Variants in CAPS2 observed in about 807,000 individuals in gnomAD.
CAPS2 encodes the protein calcyphosine 2.
Under a neutral mutation model 86.5 loss-of-function variants are expected in CAPS2, and 98 were observed. That is an observed-to-expected ratio of 1.13 (90% CI 0.96 to 1.34). The LOEUF is 1.34. Ranked by LOEUF, CAPS2 falls within the 40% of genes most tolerant of loss-of-function variation. The pLI, the probability that CAPS2 is intolerant of heterozygous loss-of-function variation, is 0.00. For missense variants in CAPS2, 729 were observed against 686.8 expected, an observed-to-expected ratio of 1.06 and a Z score of -0.69; for synonymous variants, 210 against 225.1, an observed-to-expected ratio of 0.93 and a Z score of 0.60.
At chr12:75,290,780 G>A (rs1046852822) in intron 13 of CAPS2, among the ~76,000 whole-genome samples, 5 of 151,722 alleles carry the variant, frequency 3.3e-5, no homozygotes, top group African/African-American at 9.7e-5. Flanking sequence ...GATTTAGCCG[G>A]GTGTGGTGGC....
chr12:75,295,168 G>A (rs2036673498), intron 11 of CAPS2: 1 of 151,930 alleles, frequency 6.6e-6, no homozygotes, highest in African/African-American at 2.4e-5. Flanking sequence ...AACAAACAGA[G>A]GTAAGATGAA....
At chr12:75,341,350 T>A (rs963684394) in intron 1 of CAPS2, among the ~76,000 whole-genome samples, 4 of 152,154 alleles carry the variant, frequency 2.6e-5, no homozygotes, top group Admixed American at 6.5e-5. Context: ...ACATGTAACA[T>A]CCCCATGGCT....
intron 1 of CAPS2, among the ~76,000 whole-genome samples, chr12:75,337,868 C>T (rs1418207197): frequency 5.3e-5 from 8 of 151,726 alleles, no homozygotes; most frequent in East Asian, 3.9e-4. Flanking sequence ...TGAAAGAATC[C>T]GGGGTTAGAG....
intron 1 of CAPS2, chr12:75,365,298 T>A (rs1364172123): frequency 1.3e-5 from 2 of 152,082 alleles, no homozygotes; most frequent in Non-Finnish European, 2.9e-5. Context: ...ATAAATCACA[T>A]TAATAATTTG....
intron 1 of CAPS2, chr12:75,367,008 G>A (rs1016924950): frequency 1.7e-5 from 12 of 701,372 alleles, no homozygotes; most frequent in Admixed American, 8.0e-5. Flanking sequence ...CTTCAGAGCT[G>A]AGGAGGTAAG....
chr12:75,322,959 C>A, intron 4 of CAPS2: 1 of 1,316,324 alleles, frequency 7.6e-7, no homozygotes, highest in Non-Finnish European at 1.1e-6. Context: ...AATTGATAAG[C>A]AAATAAATAC....
rs201453140 is a variant in CAPS2, at chr12:75,322,944, C to A, written c.291+30G>T. 13 of 1,214,746 alleles carry A rather than the reference C, an allele frequency of 1.1e-5. No homozygotes were observed. The Admixed American group carries it at 2.3e-4, about 21-fold the overall frequency. 75.2% of individuals were successfully genotyped at this position (1,214,746 alleles called of 1,614,324 possible). A position where few individuals can be genotyped will look rare whatever the true frequency, so the allele number is the denominator to read the frequency against. ...ATAATAAATATTTTAGAATAAAATT[C>A]TGAAAATTGATAAGCAAATAAATAC... On this transcript the variant is annotated intron_variant, in intron 4 of 16. Transcript: ENST00000393284.
intron 3 of CAPS2, 50 bp downstream of exon 4, chr12:75,323,127 G>T: frequency 6.7e-7 from 1 of 1,487,300 alleles, no homozygotes; most frequent in Non-Finnish European, 9.2e-7. Context: ...TATGCTATGT[G>T]TAATATTGTG....
chr12:75,359,102 G>A (rs1175496470), intron 1 of CAPS2, among the ~76,000 whole-genome samples: 1 of 150,174 alleles, frequency 6.7e-6, no homozygotes, highest in Non-Finnish European at 1.5e-5. Flanking sequence ...AATAAGTTTA[G>A]CAATCTTTTA....
At position 75,298,679 on chromosome 12, in the gene CAPS2, C is replaced by A; in HGVS notation, c.1044+8G>T. 1.2e-6 allele frequency: 2 copies of A among 1,608,026 alleles called. No individual in the cohort carries two copies. The highest frequency in any genetic ancestry group is 1.7e-6 in the Non-Finnish European group (2 of 1,174,508). On this transcript the variant is annotated splice_region_variant and intron_variant, in intron 11 of 16. Coordinates refer to ENST00000393284, the Ensembl canonical transcript of CAPS2. The stretch of plus-strand genomic sequence containing the variant: ...TATTAAATGTGTGCACACACACACA[C>A]CACTTACAACATAAAAATCACCAAG...
chr12:75,285,467 C>G (rs1040263213), intron 14 of CAPS2, among the ~76,000 whole-genome samples: 2 of 151,898 alleles, frequency 1.3e-5, no homozygotes, highest in Middle Eastern at 3.2e-3. Context: ...GACAAGAGCA[C>G]TTAAAATCCT....
chr12:75,369,090 G>A (rs1270934395), intron 1 of CAPS2, among the ~76,000 whole-genome samples: 1 of 151,792 alleles, frequency 6.6e-6, no homozygotes, highest in Non-Finnish European at 1.5e-5. Flanking sequence ...ACGCAATATA[G>A]CATAACAGTT....
upstream of CAPS2, among the ~76,000 whole-genome samples, chr12:75,332,963 C>G (rs1049752043): frequency 1.3e-5 from 2 of 152,150 alleles, no homozygotes; most frequent in African/African-American, 4.8e-5. Flanking sequence ...GCAAAAGTAA[C>G]AGCAAGTGCA....
chr12:75,276,149 TTGCTTGGCTTATTTTA>T, downstream of CAPS2: 1 of 1,493,810 alleles, frequency 6.7e-7, no homozygotes, highest in South Asian at 1.3e-5. Flanking sequence ...TGCTCTTCTC[TTGCTTGGCTTATTTTA>T]TATATGCCCA....
At chr12:75,349,698 A>G (rs943820068) in intron 1 of CAPS2, among the ~76,000 whole-genome samples, 3 of 152,220 alleles carry the variant, frequency 2.0e-5, no homozygotes, top group Non-Finnish European at 4.4e-5. Flanking sequence ...TAGACATTCC[A>G]GAAAAAAAGA....
At chr12:75,343,777 T>C (rs767262317) in intron 1 of CAPS2, 11 of 1,613,168 alleles carry the variant, frequency 6.8e-6, no homozygotes, top group Admixed American at 5.0e-5. Flanking sequence ...GGATAAATCA[T>C]ATAAATGCTA....
intron 1 of CAPS2, among the ~76,000 whole-genome samples, chr12:75,349,061 A>G (rs902306610): frequency 3.3e-5 from 5 of 151,988 alleles, no homozygotes; most frequent in Non-Finnish European, 7.4e-5. Flanking sequence ...ACCAGAGAAA[A>G]GAGAACTACA....
chr12:75,324,525 C>T (rs541929698), intron 2 of CAPS2, among the ~76,000 whole-genome samples: 9 of 152,180 alleles, frequency 5.9e-5, no homozygotes, highest in African/African-American at 2.2e-4. Context: ...TTGTTACTTA[C>T]TCGATATCTT....
intron 5 of CAPS2, chr12:75,318,073 A>G (rs1238455025): frequency 2.0e-5 from 3 of 152,054 alleles, no homozygotes; most frequent in South Asian, 2.1e-4. Context: ...GAGTCCACAT[A>G]TAAGTGAAAA....
Sources: allele counts gnomAD v4.1 joint callset (sites outside exome capture counted in the v4.1 genomes callset), GRCh38; gene constraint gnomAD v4.1.1; transcripts MANE v1.5; gene names NCBI Gene and HGNC (gene_info 2026-07-23, HGNC 2026-07-21).